The following PSMA1 variants were observed in gnomAD, a reference collection of about 807,000 sequenced individuals.
PSMA1 encodes proteasome subunit alpha type-1.
PSMA1 carries 3 observed loss-of-function variants against 38.4 expected under a neutral mutation model. The observed-to-expected ratio is 0.08, with a 90% CI of 0.04 to 0.20. The LOEUF (loss-of-function observed/expected upper bound fraction) is 0.20, where lower values mean the gene tolerates loss of function less well. Among genes scored for constraint, PSMA1 ranks in the 10% least tolerant of loss-of-function variants. PSMA1 has a pLI of 1.00. For missense variants in PSMA1, 227 were observed against 325.3 expected, an observed-to-expected ratio of 0.70 and a Z score of 2.32; for synonymous variants, 101 against 107.1, an observed-to-expected ratio of 0.94 and a Z score of 0.35.
chr11:14,504,956 G>A lies in PSMA1; in HGVS notation c.*236C>T. On this transcript the variant is annotated 3_prime_UTR_variant, in exon 10 of 10. Coordinates refer to ENST00000396394, the MANE Select transcript of PSMA1 (RefSeq NM_002786.4). The stretch of plus-strand genomic sequence containing the variant: ...CTATGTTCTTCATATAAAAACATTA[G>A]TATAGATACCCATACTTTCTAGAAA... 2.1e-6 allele frequency: 1 copy of A among 483,414 alleles called. No homozygotes were observed. The highest frequency in any genetic ancestry group is 3.7e-6 in the Non-Finnish European group (1 of 269,428). 29.9% of individuals were successfully genotyped at this position (483,414 alleles called of 1,614,324 possible).
chr11:14,622,646 A>G (rs1343913060), intron 1 of PSMA1, among the ~76,000 whole-genome samples: 1 of 151,924 alleles, frequency 6.6e-6, no homozygotes, highest in Non-Finnish European at 1.5e-5. Flanking sequence ...ACAAAGAAGG[A>G]AATGAAGTGG....
At position 14,591,098 on chromosome 11, in the gene PSMA1, G is replaced by A. The variant is rs368746372; in HGVS notation, c.21+19868C>T. ...AGCGGGAACCGGGGCTGCGTGCAGC[G>A]CTTGCGGGCCAGCTGGAGTTCCAGG... On this transcript the variant is annotated intron_variant, in intron 2 of 10. Coordinates refer to the PSMA1 transcript ENST00000418988. Among the ~76,000 whole-genome samples, 270 of 152,344 alleles carry A rather than the reference G, an allele frequency of 1.8e-3. 3 individuals are homozygous for A. Among genetic ancestry groups the A allele is most frequent in the African/African-American group, 6.2e-3 (258 of 41,582 alleles).
chr11:14,548,099 T>G (rs1430251134), intron 2 of PSMA1, among the ~76,000 whole-genome samples: 2 of 152,190 alleles, frequency 1.3e-5, no homozygotes, highest in Non-Finnish European at 2.9e-5. Context: ...CTGATGTTTA[T>G]ATAGCTCTTA....
intron 1 of PSMA1, among the ~76,000 whole-genome samples, chr11:14,627,972 C>A (rs558119497): frequency 6.6e-6 from 1 of 152,112 alleles, no homozygotes; most frequent in Admixed American, 6.5e-5. Context: ...TGGTCCATGG[C>A]CTGTTAGGAA....
intron 2 of PSMA1, among the ~76,000 whole-genome samples, chr11:14,605,666 C>T (rs1852634260): frequency 6.6e-6 from 1 of 152,210 alleles, no homozygotes; most frequent in African/African-American, 2.4e-5. Flanking sequence ...GGATTATAGG[C>T]ATGAGCTACT....
exon 2 of PSMA1, chr11:14,611,132 C>A: frequency 1.4e-6 from 1 of 699,332 alleles, no homozygotes; most frequent in South Asian, 1.7e-5. Context: ...TGAATACATG[C>A]TTTTTGCAGG....
intron 1 of PSMA1, among the ~76,000 whole-genome samples, chr11:14,636,622 C>T (rs1257866345): frequency 6.6e-6 from 1 of 152,234 alleles, no homozygotes; most frequent in Admixed American, 6.5e-5. Flanking sequence ...GCTTCAGACT[C>T]ATACATCCAA....
chr11:14,582,717 G>A (rs894391073), intron 2 of PSMA1, among the ~76,000 whole-genome samples: 2 of 146,126 alleles, frequency 1.4e-5, no homozygotes, highest in Non-Finnish European at 3.0e-5. Flanking sequence ...TTTTAGTAGA[G>A]ATGGGGTTTC....
upstream of PSMA1, chr11:14,520,583 C>A (rs540616865): frequency 2.1e-6 from 2 of 933,424 alleles, no homozygotes; most frequent in African/African-American, 1.7e-5. Context: ...CGGGGCAGCC[C>A]CTGTCACGTA....
intron 2 of PSMA1, among the ~76,000 whole-genome samples, chr11:14,549,308 G>T (rs997268515): frequency 7.9e-5 from 12 of 152,290 alleles, no homozygotes; most frequent in African/African-American, 2.9e-4. Context: ...CATTTTGTAA[G>T]TAGGTTGAAA....
intron 2 of PSMA1, among the ~76,000 whole-genome samples, chr11:14,559,781 A>C (rs1368859615): frequency 6.6e-6 from 1 of 152,222 alleles, no homozygotes; most frequent in African/African-American, 2.4e-5. Flanking sequence ...ATAAACACAA[A>C]AAATGAATAT....
intron 1 of PSMA1, among the ~76,000 whole-genome samples, chr11:14,634,751 T>G (rs1447393220): frequency 6.6e-6 from 1 of 152,250 alleles, no homozygotes; most frequent in African/African-American, 2.4e-5. Flanking sequence ...TGTGAATGTA[T>G]GCAGGGAATG....
chr11:14,521,762 T>C, upstream of PSMA1, among the ~76,000 whole-genome samples: 1 of 104,718 alleles, frequency 9.5e-6, no homozygotes, highest in African/African-American at 3.7e-5. Flanking sequence ...TGCGACTCCA[T>C]CTCAAAAAAA....
chr11:14,556,432 G>C (rs1256309068), intron 2 of PSMA1, among the ~76,000 whole-genome samples: 3 of 151,988 alleles, frequency 2.0e-5, no homozygotes, highest in Non-Finnish European at 4.4e-5. Flanking sequence ...CTCCTCTCTG[G>C]AAAGTTTTGG....
intron 2 of PSMA1, among the ~76,000 whole-genome samples, chr11:14,591,782 G>T (rs989746460): frequency 7.2e-5 from 11 of 152,116 alleles, no homozygotes; most frequent in African/African-American, 1.7e-4. Context: ...AGGCCACTTG[G>T]CTCTACCAAT....
At chr11:14,629,743 G>T (rs370591316) in intron 1 of PSMA1, among the ~76,000 whole-genome samples, 4 of 151,484 alleles carry the variant, frequency 2.6e-5, no homozygotes, top group Non-Finnish European at 5.9e-5. Flanking sequence ...CATTGAATCT[G>T]TAAATTACCT....
intron 1 of PSMA1, among the ~76,000 whole-genome samples, chr11:14,631,095 G>C (rs1052854312): frequency 9.4e-4 from 142 of 151,698 alleles, no homozygotes; most frequent in African/African-American, 3.2e-3. Flanking sequence ...TATGAATTTT[G>C]TTGATCCTTT....
chr11:14,526,371 A>G (rs2134156716), intron 2 of PSMA1, among the ~76,000 whole-genome samples: 1 of 152,228 alleles, frequency 6.6e-6, no homozygotes, highest in African/African-American at 2.4e-5. Context: ...GCCAAAGTGC[A>G]GGGCTGTGCA....
At chr11:14,539,847 TCAAA>T (rs994941541) in intron 2 of PSMA1, among the ~76,000 whole-genome samples, 12 of 145,864 alleles carry the variant, frequency 8.2e-5, no homozygotes, top group African/African-American at 2.5e-4. Context: ...AGACTCCGTC[TCAAA>T]CAAACAAACA....
Sources: gnomAD v4.1 joint callset for allele counts (sites outside exome capture counted in the v4.1 genomes callset) on GRCh38, gnomAD v4.1.1 for gene constraint, MANE v1.5 for transcripts, NCBI Gene and HGNC (gene_info 2026-07-23, HGNC 2026-07-21) for gene names.